GABBR2: variants seen among roughly 807,000 people sequenced by gnomAD.
GABBR2 encodes G-protein coupled receptor 51.
Under a neutral mutation model 105.6 loss-of-function variants are expected in GABBR2, and 23 were observed. The ratio of observed to expected loss-of-function variants is 0.22; its 90% confidence interval spans 0.16 to 0.31. GABBR2 has a LOEUF of 0.31. GABBR2 is among the 10% of genes least tolerant of loss of function. The pLI is 1.00. For synonymous variants in GABBR2, 478 were observed against 499.7 expected (o/e 0.96, Z 0.58); for missense variants, 734 against 1,245.5 (o/e 0.59, Z 6.18).
At chr9:98,651,103 A>T (rs541796916) in intron 1 of GABBR2, among the ~76,000 whole-genome samples, 1 of 150,322 alleles carries the variant, frequency 6.7e-6, no homozygotes, top group East Asian at 2.0e-4. Context: ...TATCAAGATT[A>T]TACACACACA....
At chr9:98,389,144 G>C (rs1423973755) in intron 9 of GABBR2, 140 bp from the exon 10 acceptor site, 1 of 652,618 alleles carries the variant, frequency 1.5e-6, no homozygotes, top group African/African-American at 1.8e-5. Flanking sequence ...GGGTGAGCCA[G>C]ATCCGGTGGT....
intron 8 of GABBR2, among the ~76,000 whole-genome samples, chr9:98,403,757 ATATAT>A (rs1306145815): frequency 3.9e-5 from 5 of 129,306 alleles, no homozygotes; most frequent in African/African-American, 9.5e-5. Flanking sequence ...AAAAAAAAAA[ATATAT>A]ATATATATAC....
intron 6 of GABBR2, among the ~76,000 whole-genome samples, chr9:98,463,008 C>T (rs1470190457): frequency 1.3e-5 from 2 of 152,170 alleles, no homozygotes; most frequent in Non-Finnish European, 2.9e-5. Flanking sequence ...CCTGCCTCAG[C>T]CTCCCAAGTA....
At chr9:98,647,559 C>T (rs1192315744) in intron 1 of GABBR2, among the ~76,000 whole-genome samples, 1 of 152,212 alleles carries the variant, frequency 6.6e-6, no homozygotes, top group Non-Finnish European at 1.5e-5. Context: ...GCGGAGGAGA[C>T]TGCATGAAAC....
At chr9:98,530,654 G>A (rs539406204) in intron 3 of GABBR2, among the ~76,000 whole-genome samples, 3 of 152,114 alleles carry the variant, frequency 2.0e-5, no homozygotes, top group East Asian at 1.9e-4. Context: ...GCGCGGTGGC[G>A]TGTGCCTGTA....
intron 12 of GABBR2, among the ~76,000 whole-genome samples, chr9:98,368,660 T>C (rs1303765374): frequency 6.6e-6 from 1 of 152,242 alleles, no homozygotes; most frequent in Non-Finnish European, 1.5e-5. Flanking sequence ...AAGGCAGGTT[T>C]CTTATCACAG....
intron 1 of GABBR2, among the ~76,000 whole-genome samples, chr9:98,606,557 C>T (rs1180667754): frequency 2.0e-5 from 3 of 150,464 alleles, no homozygotes; most frequent in East Asian, 2.0e-4. Flanking sequence ...CTTGGCTCAC[C>T]GCAACCTCCA....
intron 1 of GABBR2, among the ~76,000 whole-genome samples, chr9:98,698,642 G>A (rs1830788076): frequency 6.6e-6 from 1 of 152,056 alleles, no homozygotes; most frequent in African/African-American, 2.4e-5. Flanking sequence ...TGGGATTACA[G>A]GTGCGTGCCA....
In GABBR2 at chr9:98,684,173, A is replaced by T. The variant is rs905072641; in HGVS notation, c.321+24244T>A. On this transcript the variant is annotated intron_variant, in intron 1 of 18. Transcript: ENST00000259455. ...GAAGAATGCATTTTACCACGGTAAA[A>T]AAAAAAAAAAAAAAAAAAAAAATTG... Among the ~76,000 whole-genome samples the T allele has an allele frequency of 3.1e-4, 44 of 143,794 alleles. 1 individual carries two copies. The highest frequency in any genetic ancestry group is 6.7e-4 in the South Asian group (3 of 4,470). 94.3% of individuals were successfully genotyped at this position (143,794 alleles called of 152,430 possible). A position where few individuals can be genotyped will look rare whatever the true frequency, so the allele number is the denominator to read the frequency against.
chr9:98,315,113 C>T (rs750656351), intron 13 of GABBR2, among the ~76,000 whole-genome samples: 7 of 152,152 alleles, frequency 4.6e-5, no homozygotes, highest in East Asian at 1.9e-4. Flanking sequence ...CCCCTTCCCC[C>T]GCAACCCCAC....
chr9:98,683,547 T>C (rs1178590246), intron 1 of GABBR2, among the ~76,000 whole-genome samples: 1 of 152,298 alleles, frequency 6.6e-6, no homozygotes, highest in East Asian at 1.9e-4. Context: ...GATGACTACG[T>C]GTTAAAATAC....
At chr9:98,651,245 G>A (rs188906119) in intron 1 of GABBR2, among the ~76,000 whole-genome samples, 22 of 150,716 alleles carry the variant, frequency 1.5e-4, no homozygotes, top group Admixed American at 4.7e-4. Context: ...CTGGGTTCAA[G>A]TGATTCTCCT....
intron 6 of GABBR2, among the ~76,000 whole-genome samples, chr9:98,462,181 AC>A (rs750856560): frequency 4.6e-5 from 7 of 152,198 alleles, no homozygotes; most frequent in Non-Finnish European, 7.3e-5. Context: ...CATATATTAT[AC>A]TTTTTCAACA....
chr9:98,556,243 G>A (rs1409691327), intron 2 of GABBR2, among the ~76,000 whole-genome samples: 1 of 152,186 alleles, frequency 6.6e-6, no homozygotes, highest in Non-Finnish European at 1.5e-5. Flanking sequence ...AGCTTGCCAA[G>A]GAGGCCTGAG....
intron 1 of GABBR2, among the ~76,000 whole-genome samples, chr9:98,659,811 G>A (rs995078465): frequency 1.3e-5 from 2 of 151,504 alleles, no homozygotes; most frequent in Admixed American, 1.3e-4. Flanking sequence ...GTGAGCCACC[G>A]CACCCAGCCT....
At chr9:98,345,203 T>TGCAGGCA (rs2131413613) in intron 13 of GABBR2, among the ~76,000 whole-genome samples, 1 of 152,354 alleles carries the variant, frequency 6.6e-6, no homozygotes, top group Non-Finnish European at 1.5e-5. Flanking sequence ...TTGCCTGAAT[T>TGCAGGCA]ACTGCAAAAA....
chr9:98,366,632 G>A (rs138805587), intron 12 of GABBR2, among the ~76,000 whole-genome samples: 1 of 152,108 alleles, frequency 6.6e-6, no homozygotes, highest in Admixed American at 6.5e-5. Context: ...TTCCACTAGG[G>A]CCAACTCATT....
intron 6 of GABBR2, among the ~76,000 whole-genome samples, chr9:98,457,931 C>T (rs1009146441): frequency 4.6e-5 from 7 of 152,160 alleles, no homozygotes; most frequent in African/African-American, 9.7e-5. Flanking sequence ...TACCATCCTC[C>T]GAGGTCAAGT....
At chr9:98,346,904 A>T (rs149306940) in intron 13 of GABBR2, among the ~76,000 whole-genome samples, 1 of 152,318 alleles carries the variant, frequency 6.6e-6, no homozygotes, top group Non-Finnish European at 1.5e-5. Context: ...TGTGAATGAC[A>T]GGATTTCATT....
Sources: gnomAD v4.1 joint callset for allele counts (sites outside exome capture counted in the v4.1 genomes callset) on GRCh38, gnomAD v4.1.1 for gene constraint, MANE v1.5 for transcripts, NCBI Gene and HGNC (gene_info 2026-07-23, HGNC 2026-07-21) for gene names.